LIPI: variants seen among roughly 807,000 people sequenced by gnomAD.
LIPI encodes lipase member I.
LIPI carries 59 observed loss-of-function variants against 50.6 expected under a neutral mutation model. The observed-to-expected ratio is 1.16, with a 90% CI of 0.94 to 1.45. The LOEUF is 1.45. Among genes scored for constraint, LIPI ranks in the 40% most tolerant of loss-of-function variants. LIPI has a pLI of 0.00. For missense variants in LIPI, 586 were observed against 536.3 expected, an observed-to-expected ratio of 1.09 and a Z score of -0.92; for synonymous variants, 203 against 178.2, an observed-to-expected ratio of 1.14 and a Z score of -1.11.
At chr21:14,182,199 A>G (rs1338637344) in intron 3 of LIPI, among the ~76,000 whole-genome samples, 1 of 152,096 alleles carries the variant, frequency 6.6e-6, no homozygotes, top group Non-Finnish European at 1.5e-5. Flanking sequence ...AATAATGAAT[A>G]CCATCTGGTC....
intron 1 of LIPI, among the ~76,000 whole-genome samples, chr21:14,195,373 G>T (rs2019808998): frequency 1.4e-5 from 1 of 69,560 alleles, no homozygotes; most frequent in Non-Finnish European, 2.8e-5. Context: ...AAAGTAGGAA[G>T]ACCTTAATAA....
intron 1 of LIPI, among the ~76,000 whole-genome samples, chr21:14,204,681 A>G (rs2020176184): frequency 6.6e-6 from 1 of 152,060 alleles, no homozygotes. Context: ...TATCATTTTA[A>G]CTATAATAAT....
chr21:14,118,208 T>C (rs1346857475), intron 9 of LIPI, among the ~76,000 whole-genome samples: 2 of 152,054 alleles, frequency 1.3e-5, no homozygotes, highest in African/African-American at 4.8e-5. Context: ...ATGACTACCT[T>C]GAAGACTGAG....
intron 1 of LIPI, among the ~76,000 whole-genome samples, chr21:14,195,879 G>A (rs2019826276): frequency 6.6e-6 from 1 of 152,022 alleles, no homozygotes; most frequent in East Asian, 1.9e-4. Flanking sequence ...AAAACAATGT[G>A]AATTAAAACC....
chr21:14,147,922 A>G (rs932711886), intron 8 of LIPI, among the ~76,000 whole-genome samples: 2 of 152,036 alleles, frequency 1.3e-5, no homozygotes, highest in South Asian at 2.1e-4. Flanking sequence ...CACAGTAACT[A>G]CTTCTGTAGC....
At chr21:14,110,342 TTTTA>T (rs969763969) in intron 9 of LIPI, among the ~76,000 whole-genome samples, 7 of 132,132 alleles carry the variant, frequency 5.3e-5, no homozygotes, top group Admixed American at 2.4e-4. Context: ...GACTTCATTT[TTTTA>T]TTTATTTGTT....
intron 7 of LIPI, among the ~76,000 whole-genome samples, chr21:14,156,157 C>T (rs2018263381): frequency 1.3e-5 from 2 of 151,990 alleles, no homozygotes; most frequent in Admixed American, 6.6e-5. Flanking sequence ...TTGTCCTAAT[C>T]CCTGGAACCT....
At chr21:14,193,275 C>T (rs964566119) in intron 1 of LIPI, among the ~76,000 whole-genome samples, 8 of 151,812 alleles carry the variant, frequency 5.3e-5, no homozygotes, top group Admixed American at 4.6e-4. Context: ...AATCAAAACA[C>T]GCTGCTACCA....
At chr21:14,168,058 T>C (rs938035764) in intron 4 of LIPI, among the ~76,000 whole-genome samples, 1 of 151,982 alleles carries the variant, frequency 6.6e-6, no homozygotes, top group Non-Finnish European at 1.5e-5. Flanking sequence ...TCGAGAACTA[T>C]GTGAAGAATG....
intron 1 of LIPI, among the ~76,000 whole-genome samples, chr21:14,190,644 G>C (rs2099899053): frequency 6.6e-6 from 1 of 152,144 alleles, no homozygotes; most frequent in Non-Finnish European, 1.5e-5. Context: ...TGAAGGAGAA[G>C]CAAGACTTGC....
intron 4 of LIPI, among the ~76,000 whole-genome samples, chr21:14,176,007 T>C (rs1380230635): frequency 1.3e-5 from 2 of 151,880 alleles, no homozygotes; most frequent in East Asian, 1.9e-4. Context: ...TGAAACCCCG[T>C]CTCTACTAAA....
At chr21:14,205,962 A>G (rs1360303874) in intron 1 of LIPI, among the ~76,000 whole-genome samples, 3 of 152,234 alleles carry the variant, frequency 2.0e-5, no homozygotes, top group Non-Finnish European at 1.5e-5. Flanking sequence ...GAAGATAATG[A>G]CTCTAGCAGT....
At chr21:14,206,997 C>A (rs1216486317) in intron 1 of LIPI, 1 of 1,009,158 alleles carries the variant, frequency 9.9e-7, no homozygotes, top group East Asian at 2.4e-5. Flanking sequence ...CCTTTTGGGC[C>A]AGCAGAATTC....
intron 1 of LIPI, among the ~76,000 whole-genome samples, chr21:14,203,430 A>C (rs975702191): frequency 3.3e-5 from 5 of 152,188 alleles, no homozygotes; most frequent in African/African-American, 1.2e-4. Flanking sequence ...ACTTGGAACC[A>C]ACCCAAATGT....
At chr21:14,149,062 T>C (rs1028477734) in intron 8 of LIPI, among the ~76,000 whole-genome samples, 3 of 152,216 alleles carry the variant, frequency 2.0e-5, no homozygotes, top group Non-Finnish European at 4.4e-5. Flanking sequence ...AGATACTGTA[T>C]TAGTCTGTTC....
At chr21:14,161,646 AT>A (rs1379711948) in intron 7 of LIPI, among the ~76,000 whole-genome samples, 5 of 108,088 alleles carry the variant, frequency 4.6e-5, no homozygotes, top group African/African-American at 1.1e-4. Flanking sequence ...TAATATATAC[AT>A]TATTATATAT....
At chr21:14,170,747 C>A (rs974166396) in intron 4 of LIPI, among the ~76,000 whole-genome samples, 1 of 151,194 alleles carries the variant, frequency 6.6e-6, no homozygotes, top group African/African-American at 2.4e-5. Context: ...GACAAACCCA[C>A]AGCCAATATC....
intron 6 of LIPI, among the ~76,000 whole-genome samples, chr21:14,164,420 T>C (rs1342459327): frequency 6.6e-6 from 1 of 152,198 alleles, no homozygotes; most frequent in Admixed American, 6.6e-5. Context: ...TGGCAATGCC[T>C]GAACAGTGCA....
intron 9 of LIPI, among the ~76,000 whole-genome samples, chr21:14,138,088 C>T (rs1168407098): frequency 1.3e-5 from 2 of 151,998 alleles, no homozygotes; most frequent in Non-Finnish European, 2.9e-5. Flanking sequence ...GATACCAGAC[C>T]GTATTGATTA....
Sources: allele counts gnomAD v4.1 joint callset (sites outside exome capture counted in the v4.1 genomes callset), GRCh38; gene constraint gnomAD v4.1.1; transcripts MANE v1.5; gene names NCBI Gene and HGNC (gene_info 2026-07-23, HGNC 2026-07-21).